The following TENM3 variants were observed in gnomAD, a reference collection of about 807,000 sequenced individuals.
TENM3 encodes the protein teneurin transmembrane protein 3, also known as teneurin-3.
A neutral mutation model predicts 255.1 loss-of-function variants in TENM3; 63 were observed. The ratio of observed to expected loss-of-function variants is 0.25; its 90% CI spans 0.20 to 0.30. The LOEUF is 0.30. TENM3 is among the 10% of genes least tolerant of loss of function. The pLI is 1.00. For synonymous variants in TENM3, 1,306 were observed against 1,322.3 expected, an observed-to-expected ratio of 0.99 and a Z score of 0.27; for missense variants, 2,929 against 3,461.1, an observed-to-expected ratio of 0.85 and a Z score of 3.86.
the TENM3 span, among the ~76,000 whole-genome samples, chr4:182,091,686 T>C: frequency 6.6e-6 from 1 of 152,210 alleles, no homozygotes; most frequent in Admixed American, 6.5e-5. Flanking sequence ...TCTCTTCTAA[T>C]AATGGGTGGT....
At chr4:182,003,065 G>C in the TENM3 span, among the ~76,000 whole-genome samples, 1 of 152,018 alleles carries the variant, frequency 6.6e-6, no homozygotes, top group Non-Finnish European at 1.5e-5. Context: ...CTAGTGACTT[G>C]AATAATGGGT....
chr4:182,710,281 T>G (rs955890903), intron 12 of TENM3, among the ~76,000 whole-genome samples: 9 of 152,210 alleles, frequency 5.9e-5, no homozygotes, highest in Non-Finnish European at 4.4e-5. Context: ...ATTAAGCTGT[T>G]ACAGGGTTCT....
At chr4:182,105,082 G>A in the TENM3 span, among the ~76,000 whole-genome samples, 1 of 152,078 alleles carries the variant, frequency 6.6e-6, no homozygotes, top group African/African-American at 2.4e-5. Flanking sequence ...GTATAGTGGT[G>A]CACGCCAATA....
chr4:182,799,819 A>C lies in TENM3; in HGVS notation c.7568A>C (p.Lys2523Thr). 1 of 1,609,592 alleles carries C rather than the reference A, an allele frequency of 6.2e-7. No homozygotes were observed. Among genetic ancestry groups the C allele is most frequent in the Non-Finnish European group, 8.5e-7 (1 of 1,178,284 alleles). ...VLNIANEDCI[K>T]VAAVLNNAFY... ...AACATCGCCAACGAGGACTGCATCA[A>C]GGTGGCGGCCGTGCTCAACAACGCC... The change falls in exon 28 of 28, where the codon AAG becomes ACG. Residue 2523 changes from lysine (K) to threonine (T), a missense_variant. Around this residue, in one of 6 missense-constraint regions of TENM3, gnomAD observed 476 missense variants for 480.1 expected, o/e 0.99. Transcript: ENST00000511685. This position sits in a 1 kb window ranked among gnomAD's most constrained non-coding sequence, Gnocchi z 4.2.
chr4:182,413,098 G>A (rs573686988), intron 3 of TENM3, among the ~76,000 whole-genome samples: 6 of 151,686 alleles, frequency 4.0e-5, no homozygotes, highest in East Asian at 1.9e-4. Context: ...AAAAATGAGA[G>A]CAAATAAGAA....
At chr4:181,669,383 C>T in the TENM3 span, among the ~76,000 whole-genome samples, 1 of 152,086 alleles carries the variant, frequency 6.6e-6, no homozygotes, top group Admixed American at 6.6e-5. Flanking sequence ...GGAGTTGGAC[C>T]AAGACTGTTT....
chr4:182,163,230 T>G (rs1487014173), intron 1 of TENM3, among the ~76,000 whole-genome samples: 1 of 152,190 alleles, frequency 6.6e-6, no homozygotes, highest in Non-Finnish European at 1.5e-5. Context: ...CTGGGCCTCC[T>G]GCCACCCGTC....
chr4:182,509,937 C>CCA (rs1553968656), intron 3 of TENM3, among the ~76,000 whole-genome samples: 1 of 104,876 alleles, frequency 9.5e-6, no homozygotes, highest in Admixed American at 1.1e-4. Context: ...AACTCTGTCT[C>CCA]AAAAAAAAAA....
the TENM3 span, among the ~76,000 whole-genome samples, chr4:181,915,743 A>AAGATT: frequency 2.1e-4 from 32 of 151,636 alleles, no homozygotes; most frequent in Non-Finnish European, 4.0e-4. Flanking sequence ...GAGAACACAG[A>AAGATT]AGATTGACTG....
chr4:181,791,803 A>T, the TENM3 span, among the ~76,000 whole-genome samples: 1 of 152,066 alleles, frequency 6.6e-6, no homozygotes, highest in Non-Finnish European at 1.5e-5. Flanking sequence ...ATGAAGCTCA[A>T]ATCAGACAGA....
chr4:181,633,721 T>A, the TENM3 span, among the ~76,000 whole-genome samples: 26 of 152,210 alleles, frequency 1.7e-4, no homozygotes, highest in Non-Finnish European at 3.5e-4. Context: ...ATGTCCTTTT[T>A]CTCAAAAGAT....
the TENM3 span, among the ~76,000 whole-genome samples, chr4:181,472,232 G>A: frequency 6.6e-6 from 1 of 152,160 alleles, no homozygotes; most frequent in Admixed American, 6.5e-5. Flanking sequence ...ATTTGTGAGA[G>A]GAAGTAGGAG....
At chr4:182,285,263 G>A (rs1455312926) in intron 1 of TENM3, among the ~76,000 whole-genome samples, 2 of 152,010 alleles carry the variant, frequency 1.3e-5, no homozygotes, top group Non-Finnish European at 2.9e-5. Flanking sequence ...GTTTGTAAAT[G>A]TTTGGGCAGT....
chr4:182,201,763 G>A (rs1401462405), intron 1 of TENM3, among the ~76,000 whole-genome samples: 1 of 152,112 alleles, frequency 6.6e-6, no homozygotes, highest in African/African-American at 2.4e-5. Context: ...TGGGGCTCTT[G>A]AAGTCAGATA....
chr4:182,075,635 A>G, the TENM3 span, among the ~76,000 whole-genome samples: 2 of 151,944 alleles, frequency 1.3e-5, no homozygotes, highest in African/African-American at 4.8e-5. Context: ...TTTTCTCCCA[A>G]TCCATATCAT....
chr4:181,743,684 AG>A, the TENM3 span, among the ~76,000 whole-genome samples: 7 of 152,084 alleles, frequency 4.6e-5, no homozygotes, highest in East Asian at 3.9e-4. Flanking sequence ...GACTCAGAAA[AG>A]GGGGGGCCAC....
chr4:181,638,013 G>A, the TENM3 span, among the ~76,000 whole-genome samples: 1 of 152,188 alleles, frequency 6.6e-6, no homozygotes, highest in Admixed American at 6.5e-5. Flanking sequence ...TCTTGGCAAA[G>A]AGGAAGGGGA....
the TENM3 span, among the ~76,000 whole-genome samples, chr4:181,553,260 A>AGTGTGTGTGTGTGTGTGTGTGTGT: frequency 7.5e-6 from 1 of 133,556 alleles, no homozygotes; most frequent in South Asian, 2.7e-4. Flanking sequence ...ATAGTCATTA[A>AGTGTGTGTGTGTGTGTGTGTGTGT]GTGTGTGTGT....
the TENM3 span, among the ~76,000 whole-genome samples, chr4:181,579,285 G>A: frequency 1.3e-5 from 2 of 152,050 alleles, no homozygotes; most frequent in African/African-American, 4.8e-5. Flanking sequence ...TCACATGAGA[G>A]ACACCTCCTA....
Sources: allele counts gnomAD v4.1 joint callset (sites outside exome capture counted in the v4.1 genomes callset), GRCh38; gene constraint gnomAD v4.1.1; regional missense constraint gnomAD v4.1.1; non-coding constraint Gnocchi (gnomAD v3.1); transcripts MANE v1.5; gene names NCBI Gene and HGNC (gene_info 2026-07-23, HGNC 2026-07-21).